Variants in ZNF8 observed in about 807,000 individuals in gnomAD.
ZNF8 encodes zinc finger protein 8, also known as zinc finger protein 272.
In ZNF8, 9 loss-of-function variants were observed where a neutral mutation model predicts 12.2. That is an observed-to-expected ratio of 0.73 (90% CI 0.44 to 1.28). The LOEUF is 1.28. Ranked by LOEUF, ZNF8 falls within the 50% of genes most tolerant of loss-of-function variation. The pLI is 0.00. For synonymous variants in ZNF8, 274 were observed against 282.3 expected (o/e 0.97, Z 0.30); for missense variants, 664 against 729.1 (o/e 0.91, Z 1.03).
At position 58,282,409 on chromosome 19, in the gene ZNF8, A is replaced by G. The variant is rs185610834; in HGVS notation, c.66+3262A>G. Among the ~76,000 whole-genome samples the G allele has an allele frequency of 5.7e-4, 87 of 152,244 alleles. 2 individuals are homozygous for G. The East Asian group carries it at 0.012, about 22-fold the overall frequency. On this transcript the variant is annotated intron_variant, in intron 1 of 3. Transcript: ENST00000621650. The stretch of plus-strand genomic sequence containing the variant: ...TCTCTTATCAGATATGTGATTCCCA[A>G]TTATTATCTCCCATTCTGTGAGTTG...
rs1404710586 is a variant in ZNF8, at chr19:58,295,860, A to T, written c.*324A>T. On this transcript the variant is annotated 3_prime_UTR_variant, in exon 4 of 4. Coordinates refer to ENST00000621650, the MANE Select transcript of ZNF8 (RefSeq NM_021089.3). The stretch of plus-strand genomic sequence containing the variant: ...AGGATCATTAAAATGAAAGTAATTT[A>T]TGGTAGAGTAAATTGTAGAGTAACG... 3.6e-6 allele frequency: 1 copy of T among 279,060 alleles called. No individual in the cohort carries two copies. 17.3% of individuals were successfully genotyped at this position (279,060 alleles called of 1,614,324 possible).
rs997364834 is a variant in ZNF8, at chr19:58,279,036, G to C, written c.-46G>C. 1 of 1,391,648 alleles carries C rather than the reference G, an allele frequency of 7.2e-7. No homozygotes were observed. Among genetic ancestry groups the C allele is most frequent in the African/African-American group, 1.5e-5 (1 of 67,534 alleles). The allele number at this position is 1,391,648 out of a possible 1,614,324, so 86.2% of individuals were successfully genotyped here. On this transcript the variant is annotated 5_prime_UTR_variant, in exon 1 of 4. Coordinates refer to ENST00000621650, the MANE Select transcript of ZNF8 (RefSeq NM_021089.3). ...GTCCCTTTGGCTGGAGTGCCTCTCT[G>C]GTCTGGGGATCACCTCAGGCGCTGT...
At chr19:58,282,458 C>T (rs1405869575) in intron 1 of ZNF8, among the ~76,000 whole-genome samples, 1 of 152,064 alleles carries the variant, frequency 6.6e-6, no homozygotes, top group Non-Finnish European at 1.5e-5. Context: ...TTGCTAATGT[C>T]CTTTGAACTA....
Position 58,295,329 on chromosome 19 carries a change from C to T in ZNF8, c.1521C>T (p.Ser507=). Residue 507 remains serine, a synonymous_variant, in exon 4 of 4, where the codon AGC becomes AGT. Transcript: ENST00000621650. ...GRSRRREQSS[S]RNSHLVQHQH... ...GCCGGCGGCGTGAACAATCCTCGAG[C>T]AGGAACTCACACCTGGTTCAGCATC... 3 of 1,614,202 alleles carry T rather than the reference C, an allele frequency of 1.9e-6. No individual in the cohort carries two copies. The highest frequency in any genetic ancestry group is 2.2e-5 in the South Asian group (2 of 91,086).
intron 1 of ZNF8, among the ~76,000 whole-genome samples, chr19:58,281,805 T>A (rs1403602536): frequency 6.6e-6 from 1 of 152,208 alleles, no homozygotes; most frequent in Non-Finnish European, 1.5e-5. Flanking sequence ...TAAAAGGAAA[T>A]GTCCTTTTAA....
chr19:58,302,322 C>T lies in ZNF8; in HGVS notation c.*6786C>T, dbSNP rs2147965411. On this transcript the variant is annotated 3_prime_UTR_variant, in exon 4 of 4. Coordinates refer to ENST00000621650, the MANE Select transcript of ZNF8 (RefSeq NM_021089.3). Reference sequence around the variant, plus strand: ...AAAAATGAAAACTTGTGTAAAATTCCTCATACTTTAGCCATCCATAGATGG... The same window carrying T: ...AAAAATGAAAACTTGTGTAAAATTCTTCATACTTTAGCCATCCATAGATGG... 6.6e-6 allele frequency: 1 copy of T among 152,172 alleles called. No homozygotes were observed. Among genetic ancestry groups the T allele is most frequent in the Non-Finnish European group, 1.5e-5 (1 of 68,012 alleles). The allele number at this position is 152,172 out of a possible 1,614,324, so 9.4% of individuals were successfully genotyped here.
At chr19:58,290,132 G>A (rs1306962401) in intron 3 of ZNF8, among the ~76,000 whole-genome samples, 1 of 11,258 alleles carries the variant, frequency 8.9e-5, no homozygotes, top group East Asian at 2.2e-3. Context: ...TTTTTTTTTT[G>A]AGACGGAGTC....
At chr19:58,279,403 A>T in intron 1 of ZNF8, 2 of 1,444,344 alleles carry the variant, frequency 1.4e-6, no homozygotes, top group East Asian at 2.5e-5. Flanking sequence ...GGGGTCGGTC[A>T]TTCCCGAGAG....
At chr19:58,292,147 C>A (rs1033302701) in intron 3 of ZNF8, among the ~76,000 whole-genome samples, 2 of 152,132 alleles carry the variant, frequency 1.3e-5, no homozygotes, top group African/African-American at 4.8e-5. Flanking sequence ...TACCACTCAG[C>A]GGTTTTGAGT....
intron 3 of ZNF8, among the ~76,000 whole-genome samples, chr19:58,290,585 C>T (rs1332537840): frequency 1.3e-5 from 2 of 151,958 alleles, no homozygotes; most frequent in Non-Finnish European, 2.9e-5. Flanking sequence ...TAGAAGAAGA[C>T]CGCGTCTCTA....
At chr19:58,280,327 G>A (rs1288649446) in intron 1 of ZNF8, 1 of 166,180 alleles carries the variant, frequency 6.0e-6, no homozygotes, top group Non-Finnish European at 1.3e-5. Context: ...CTCCATGTAG[G>A]CCTCTCTTTG....
intron 2 of ZNF8, 47 bp from the exon 3 acceptor site, chr19:58,286,063 T>C (rs1343555582): frequency 6.3e-7 from 1 of 1,584,642 alleles, no homozygotes; most frequent in Non-Finnish European, 8.6e-7. Context: ...GCTTGTTGTT[T>C]CTCTCCTGAG....
Position 58,294,425 on chromosome 19 carries a change from A to T in ZNF8, c.617A>T (p.Gln206Leu). The change falls in exon 4 of 4, where the codon CAG becomes CTG. Residue 206 changes from glutamine (Q) to leucine (L), a missense_variant. Physicochemically the swap from Gln to Leu is moderately radical, Grantham distance 113. Coordinates refer to ENST00000621650, the MANE Select transcript of ZNF8 (RefSeq NM_021089.3). The surrounding 1 kb of genome is among the most constrained non-coding windows in gnomAD (Gnocchi z 5.5). ...GAGTATTTGTATACTTACGACTCAC[A>T]GATTACAGACTCAGAACATAACTCC... is the stretch of plus-strand genomic sequence containing the variant. Reference protein sequence around the residue: ...RGEYLYTYDSQITDSEHNSSL... With the variant: ...RGEYLYTYDSLITDSEHNSSL... 1 of 1,614,116 alleles carries T rather than the reference A, an allele frequency of 6.2e-7. No homozygotes were observed. The highest frequency in any genetic ancestry group is 8.5e-7 in the Non-Finnish European group (1 of 1,180,030).
chr19:58,287,362 G>A lies in ZNF8; in HGVS notation c.289+1157G>A, dbSNP rs59650688. On this transcript the variant is annotated intron_variant, in intron 3 of 3. Coordinates refer to ENST00000621650, the MANE Select transcript of ZNF8 (RefSeq NM_021089.3). ...CTTTTTTTTTTTTTTTTTTGAGACC[G>A]TCTCTGTTGCATAAGCTGGAGTGGC... Among the ~76,000 whole-genome samples, 642 of 107,914 alleles carry A rather than the reference G, an allele frequency of 5.9e-3. 10 individuals carry two copies. Among genetic ancestry groups the A allele is most frequent in the African/African-American group, 0.02 (580 of 28,792 alleles). The allele number at this position is 107,914 out of a possible 152,430, so 70.8% of individuals were successfully genotyped here.
At chr19:58,290,392 A>G (rs11672765) in intron 3 of ZNF8, among the ~76,000 whole-genome samples, 56,732 of 147,426 alleles carry the variant, frequency 0.38, 11,305 homozygotes, top group Middle Eastern at 0.5. Context: ...GGGATTACAG[A>G]CGTGAGCCAC....
chr19:58,279,941 A>C (rs141597528), intron 1 of ZNF8: 1 of 1,044,450 alleles, frequency 9.6e-7, no homozygotes, highest in Non-Finnish European at 1.2e-6. Context: ...GATTTGGTAC[A>C]CAAAGTGAGA....
At chr19:58,293,590 C>T (rs1845502236) in intron 3 of ZNF8, among the ~76,000 whole-genome samples, 1 of 152,130 alleles carries the variant, frequency 6.6e-6, no homozygotes, top group South Asian at 2.1e-4. Flanking sequence ...ATCTTGGATA[C>T]TGGGTGAGCA....
intron 3 of ZNF8, among the ~76,000 whole-genome samples, chr19:58,287,262 C>T (rs260477): frequency 0.59 from 88,328 of 150,906 alleles, 26,240 homozygotes; most frequent in Middle Eastern, 0.68. Context: ...TGGGCTCGAA[C>T]TCCTGGGCTC....
At position 58,297,034 on chromosome 19, in the gene ZNF8, C is replaced by G. The variant is rs1050104336; in HGVS notation, c.*1498C>G. 2.0e-5 allele frequency: 3 copies of G among 152,124 alleles called. No individual in the cohort carries two copies. The allele number at this position is 152,124 out of a possible 1,614,324, so 9.4% of individuals were successfully genotyped here. ...ATCCTTTGAGGTCAGGAGTTTGAGA[C>G]TAGCCTGGGCCCATGGCGAAACCCC... is the stretch of plus-strand genomic sequence containing the variant. On this transcript the variant is annotated 3_prime_UTR_variant, in exon 4 of 4. Coordinates refer to ENST00000621650, the MANE Select transcript of ZNF8 (RefSeq NM_021089.3).
Sources: gnomAD v4.1 joint callset for allele counts (sites outside exome capture counted in the v4.1 genomes callset) on GRCh38, gnomAD v4.1.1 for gene constraint, Gnocchi (gnomAD v3.1) non-coding constraint, MANE v1.5 for transcripts, NCBI Gene and HGNC (gene_info 2026-07-23, HGNC 2026-07-21) for gene names.